Variants in HDGFL2 observed in about 807,000 individuals in gnomAD.
The protein encoded by HDGFL2 is hepatoma-derived growth factor-related protein 2.
A neutral mutation model predicts 77.1 loss-of-function variants in HDGFL2; 36 were observed. That is an observed-to-expected ratio of 0.47 (90% confidence interval 0.36 to 0.62). The LOEUF is 0.62. Ranked by LOEUF, HDGFL2 falls within the 20% of genes least tolerant of loss-of-function variation. The pLI, the probability that HDGFL2 is intolerant of heterozygous loss-of-function variation, is 0.00. For synonymous variants in HDGFL2, 463 were observed against 413.1 expected, an observed-to-expected ratio of 1.12 and a Z score of -1.46; for missense variants, 976 against 973.4, an observed-to-expected ratio of 1.00 and a Z score of -0.04.
chr19:4,476,400 C>T (rs1975075013), intron 3 of HDGFL2, among the ~76,000 whole-genome samples: 1 of 150,332 alleles, frequency 6.7e-6, no homozygotes, highest in African/African-American at 2.5e-5. Context: ...ACCATGTTGG[C>T]CAGGCTGGTC....
At chr19:4,476,623 G>T (rs2145152997) in intron 3 of HDGFL2, among the ~76,000 whole-genome samples, 1 of 151,014 alleles carries the variant, frequency 6.6e-6, no homozygotes, top group Non-Finnish European at 1.5e-5. Flanking sequence ...GGAGTGAAAA[G>T]TCTGTAGTGT....
At chr19:4,501,105 C>T (rs75785925) in intron 14 of HDGFL2, 86 bp from the exon 15 acceptor site, 50,413 of 1,558,054 alleles carry the variant, frequency 0.032, 990 homozygotes, top group Non-Finnish European at 0.038. Flanking sequence ...CTCAGCTTGG[C>T]CCCTGGTCCA....
At position 4,493,776 on chromosome 19, in the gene HDGFL2, C is replaced by T. The variant is rs1423542864; in HGVS notation, c.752C>T (p.Ala251Val). ...DGAKPEPVAM[A>V]RSASSSSSSS... ...GCCAAGCCTGAGCCGGTGGCCATGG[C>T]GCGGTCGGCGTCCTCCTCCTCCTCT... The change falls in exon 7 of 16, where the codon GCG (alanine) becomes GTG (valine). Residue 251 changes from alanine (A) to valine (V), a missense_variant. Ala to Val is a moderately conservative substitution (Grantham distance 64). Transcript: ENST00000616600. The T allele has an allele frequency of 6.5e-6, 10 of 1,543,166 alleles. No homozygotes were observed. The highest frequency in any genetic ancestry group is 8.8e-6 in the Non-Finnish European group (10 of 1,141,262).
chr19:4,492,478 T>A (rs1975542256), intron 6 of HDGFL2, among the ~76,000 whole-genome samples: 3 of 151,998 alleles, frequency 2.0e-5, no homozygotes. Flanking sequence ...TGTGCCTGTG[T>A]GTCCATGTGT....
intron 6 of HDGFL2, among the ~76,000 whole-genome samples, chr19:4,493,096 G>GTGTGGTGTGTGTGTTGTCTGT (rs146818161): frequency 2.4e-5 from 1 of 42,186 alleles, no homozygotes; most frequent in Admixed American, 2.3e-4. Flanking sequence ...TTATCTGTGT[G>GTGTGGTGTGTGTGTTGTCTGT]GTGTGTGGTG....
rs763932929 is a variant in HDGFL2, at chr19:4,475,386, C to T, written c.149+35C>T. On this transcript the variant is annotated intron_variant, in intron 2 of 15. Transcript: ENST00000616600. The stretch of plus-strand genomic sequence containing the variant: ...CCCTTCTGGGGCTTGGTTTTCTCCT[C>T]TGGTGCCTCCCGGGGTGGCCTCACT... 3 of 1,614,104 alleles carry T rather than the reference C, an allele frequency of 1.9e-6. No individual in the cohort carries two copies. The Admixed American group carries it at 5.0e-5, about 27-fold the overall frequency.
intron 3 of HDGFL2, among the ~76,000 whole-genome samples, chr19:4,480,720 A>C (rs1808281182): frequency 6.6e-6 from 1 of 151,844 alleles, no homozygotes; most frequent in South Asian, 2.1e-4. Flanking sequence ...CTCCGTCTCA[A>C]AAAAAAAGTG....
intron 10 of HDGFL2, chr19:4,497,497 C>T: frequency 3.3e-6 from 1 of 303,634 alleles, no homozygotes; most frequent in Non-Finnish European, 6.4e-6. Context: ...GTGCTTGGTC[C>T]CCCAGCCCAC....
chr19:4,494,079 C>T, intron 8 of HDGFL2, 22 bp downstream of exon 8: 1 of 1,565,956 alleles, frequency 6.4e-7, no homozygotes. Context: ...GGCTGGGGTC[C>T]CCTCTGGCGG....
In HDGFL2 at chr19:4,475,474, C is replaced by A; in HGVS notation, c.179C>A (p.Pro60His). Residue 60 changes from proline to histidine, a missense_variant, in exon 3 of 16, where the codon CCC becomes CAC. Physicochemically the swap from Pro to His is moderately conservative, Grantham distance 77. Around this residue, in one of 5 missense-constraint regions of HDGFL2, gnomAD observed 103 missense variants for 145.7 expected, o/e 0.71. Transcript: ENST00000616600. ...TAFLGPKDLF[P>H]YDKCKDKYGK... ...TTCCTGGGACCCAAGGACCTGTTCC[C>A]CTACGACAAATGTAAAGACAAGTAC... 6.2e-7 allele frequency: 1 copy of A among 1,611,808 alleles called. No individual in the cohort carries two copies. The highest frequency in any genetic ancestry group is 8.5e-7 in the Non-Finnish European group (1 of 1,179,436).
chr19:4,499,965 G>A (rs973248379), intron 14 of HDGFL2, among the ~76,000 whole-genome samples: 8 of 152,206 alleles, frequency 5.3e-5, no homozygotes, highest in East Asian at 1.9e-4. Flanking sequence ...CGGGGACAGT[G>A]CATGACAGCA....
chr19:4,482,627 G>C (rs1056258700), intron 3 of HDGFL2, among the ~76,000 whole-genome samples: 1 of 152,264 alleles, frequency 6.6e-6, no homozygotes, highest in Admixed American at 6.5e-5. Flanking sequence ...AGTAAACCAC[G>C]GGCCCTGCTA....
chr19:4,484,593 G>C (rs973146585), intron 3 of HDGFL2, among the ~76,000 whole-genome samples: 5 of 150,490 alleles, frequency 3.3e-5, no homozygotes, highest in Non-Finnish European at 7.4e-5. Flanking sequence ...TCCACCTCCC[G>C]GGTTCACACC....
rs1201557951 is a variant in HDGFL2, at chr19:4,502,027, C to T, written c.*17C>T. 6 of 1,513,822 alleles carry T rather than the reference C, an allele frequency of 4.0e-6. No homozygotes were observed. Among genetic ancestry groups the T allele is most frequent in the South Asian group, 1.2e-5 (1 of 81,566 alleles). 93.8% of individuals were successfully genotyped at this position (1,513,822 alleles called of 1,614,324 possible). A position where few individuals can be genotyped will look rare whatever the true frequency, so the allele number is the denominator to read the frequency against. On this transcript the variant is annotated 3_prime_UTR_variant, in exon 16 of 16. Coordinates refer to ENST00000616600, the MANE Select transcript of HDGFL2 (RefSeq NM_001001520.3). Reference sequence around the variant, plus strand: ...GAGAGCTGAGCCGCGGGCAGCCAGGCCCAGCCCCCGCCCGAGCTCAGGCTG... The same window carrying T: ...GAGAGCTGAGCCGCGGGCAGCCAGGTCCAGCCCCCGCCCGAGCTCAGGCTG...
intron 6 of HDGFL2, among the ~76,000 whole-genome samples, chr19:4,493,306 G>C (rs377404572): frequency 1.7e-4 from 25 of 150,858 alleles, no homozygotes; most frequent in East Asian, 1.2e-3. Context: ...TGTGTGGTGT[G>C]TGTGTGGTGT....
chr19:4,492,998 GTGGT>G (rs1434081186), intron 6 of HDGFL2, among the ~76,000 whole-genome samples: 1 of 141,768 alleles, frequency 7.1e-6, no homozygotes, highest in Non-Finnish European at 1.5e-5. Flanking sequence ...TAGTGTGTGT[GTGGT>G]TGTGTGTGGT....
chr19:4,474,828 A>G, intron 1 of HDGFL2: 1 of 177,376 alleles, frequency 5.6e-6, no homozygotes, highest in South Asian at 1.2e-4. Flanking sequence ...AGAGGGTGGG[A>G]CTTCCTGGAT....
intron 14 of HDGFL2, among the ~76,000 whole-genome samples, chr19:4,500,586 G>A (rs575928561): frequency 2.5e-4 from 36 of 141,648 alleles, no homozygotes; most frequent in African/African-American, 8.0e-4. Flanking sequence ...TCAGCCTCCC[G>A]AGGAGCTGGG....
Position 4,494,302 on chromosome 19 carries a change from G to A in HDGFL2, c.1051G>A (p.Glu351Lys), listed in dbSNP as rs1379035910. The A allele has an allele frequency of 4.9e-6, 7 of 1,436,334 alleles. No homozygotes were observed. Among genetic ancestry groups the A allele is most frequent in the Non-Finnish European group, 6.4e-6 (7 of 1,098,686 alleles). The allele number at this position is 1,436,334 out of a possible 1,614,324, so 89.0% of individuals were successfully genotyped here. Reference protein sequence around the residue: ...RLREQEKEEKERRRERADRGE... With the variant: ...RLREQEKEEKKRRRERADRGE... ...GCGGGAGCAGGAGAAGGAGGAGAAG[G>A]AGCGGAGGCGCGAGCGGGCCGACCG... The change falls in exon 9 of 16, where the codon GAG (glutamate) becomes AAG (lysine). Residue 351 changes from glutamate (E) to lysine (K), a missense_variant. By Grantham distance (56) the Glu-to-Lys change is moderately conservative. Transcript: ENST00000616600.
Sources: allele counts gnomAD v4.1 joint callset (sites outside exome capture counted in the v4.1 genomes callset), GRCh38; gene constraint gnomAD v4.1.1; regional missense constraint gnomAD v4.1.1; transcripts MANE v1.5; gene names NCBI Gene and HGNC (gene_info 2026-07-23, HGNC 2026-07-21).